Variants in FUT8 observed in about 807,000 individuals in gnomAD.
FUT8 encodes fucosyltransferase 8.
Under a neutral mutation model 71.3 loss-of-function variants are expected in FUT8, and 29 were observed. That is an observed-to-expected ratio of 0.41 (90% CI 0.30 to 0.55). The LOEUF is 0.55. FUT8 is among the 20% of genes least tolerant of loss of function. FUT8 has a pLI of 0.34. For missense variants in FUT8, 544 were observed against 702.1 expected (o/e 0.77, Z 2.55); for synonymous variants, 254 against 239.3 (o/e 1.06, Z -0.57).
chr14:65,481,628 T>C (rs2066332658), intron 2 of FUT8, among the ~76,000 whole-genome samples: 1 of 152,188 alleles, frequency 6.6e-6, no homozygotes, highest in South Asian at 2.1e-4. Context: ...CATCCTTCCT[T>C]GTCTCCAGGA....
chr14:65,490,221 A>G (rs889313967), intron 2 of FUT8, among the ~76,000 whole-genome samples: 1 of 152,040 alleles, frequency 6.6e-6, no homozygotes, highest in African/African-American at 2.4e-5. Context: ...TTTAGTTGTA[A>G]AAGTTTTTGG....
chr14:65,601,493 T>C (rs1288394278), intron 3 of FUT8, among the ~76,000 whole-genome samples: 10 of 152,188 alleles, frequency 6.6e-5, no homozygotes, highest in Non-Finnish European at 1.5e-4. Context: ...ATTATGTTAA[T>C]CTTAGTAGTT....
At chr14:65,716,966 G>A (rs1480632462) in intron 7 of FUT8, among the ~76,000 whole-genome samples, 5 of 143,424 alleles carry the variant, frequency 3.5e-5, no homozygotes, top group African/African-American at 1.3e-4. Flanking sequence ...AGACGGGGCG[G>A]CCGGGCAGAG....
At chr14:65,731,127 A>G (rs1017456401) in intron 9 of FUT8, among the ~76,000 whole-genome samples, 6 of 152,256 alleles carry the variant, frequency 3.9e-5, no homozygotes, top group African/African-American at 1.4e-4. Context: ...GACACAGCAC[A>G]GAGCACTAGG....
rs2140261671 is a variant in FUT8, at chr14:65,629,487, A to G, written c.483-5A>G. 1 of 1,599,820 alleles carries G rather than the reference A, an allele frequency of 6.3e-7. No individual in the cohort carries two copies. The highest frequency in any genetic ancestry group is 1.1e-5 in the South Asian group (1 of 90,642). On this transcript the variant is annotated splice_region_variant and splice_polypyrimidine_tract_variant and intron_variant, in intron 5 of 10. Coordinates refer to ENST00000673929, the MANE Select transcript of FUT8 (RefSeq NM_001371533.1). ...TTCGATCTCCATTGTTGTTTGTTTTAACAGGTCTATAATGACGGATCTATA... is the reference window on the plus strand; with the variant it reads ...TTCGATCTCCATTGTTGTTTGTTTTGACAGGTCTATAATGACGGATCTATA...
In FUT8 at chr14:65,567,931, A is replaced by G. The variant is rs373531504; in HGVS notation, c.203+6165A>G. ...AGGTTATCAAGGTTTATGCAGGCCA[A>G]TTCTGTTCTCTGGAAAAGTTTATGT... On this transcript the variant is annotated intron_variant, in intron 3 of 10. Coordinates refer to ENST00000673929, the MANE Select transcript of FUT8 (RefSeq NM_001371533.1). Among the ~76,000 whole-genome samples, 8 of 152,002 alleles carry G rather than the reference A, an allele frequency of 5.3e-5. No individual in the cohort carries two copies. In the East Asian group the frequency reaches 1.2e-3, roughly 22 times the overall value.
rs1158621921 is a variant in FUT8 at position 65,550,397 on chromosome 14, A to T, written c.-227-10940A>T. Among the ~76,000 whole-genome samples the T allele has an allele frequency of 1.3e-5, 2 of 152,202 alleles. No homozygotes were observed. The highest frequency in any genetic ancestry group is 4.8e-5 in the African/African-American group (2 of 41,462). On this transcript the variant is annotated intron_variant, in intron 2 of 10. Transcript: ENST00000673929. The surrounding 1 kb of genome is among the most constrained non-coding windows in gnomAD (Gnocchi z 4.5). ...GCCCAGAACACTTATATTAGCCTAC[A>T]GTTGGACAAAATCATTTAACACAAA... is the stretch of plus-strand genomic sequence containing the variant.
chr14:65,728,983 T>G (rs1895820488), intron 9 of FUT8, among the ~76,000 whole-genome samples: 2 of 150,978 alleles, frequency 1.3e-5, no homozygotes, highest in Non-Finnish European at 3.0e-5. Flanking sequence ...TTTCACTTAA[T>G]ACAGCAATAG....
chr14:65,662,601 C>T (rs530966301), intron 6 of FUT8, among the ~76,000 whole-genome samples: 124 of 152,212 alleles, frequency 8.1e-4, no homozygotes, highest in Admixed American at 1.9e-3. Flanking sequence ...CACACACATA[C>T]AAAAAACTGG....
chr14:65,417,630 C>G (rs1036711265), intron 1 of FUT8, among the ~76,000 whole-genome samples: 2 of 151,996 alleles, frequency 1.3e-5, no homozygotes, highest in Non-Finnish European at 2.9e-5. Context: ...AAAAAAATAC[C>G]TCTTTGTGGT....
intron 7 of FUT8, among the ~76,000 whole-genome samples, chr14:65,714,914 T>G (rs1226808787): frequency 6.6e-6 from 1 of 152,220 alleles, no homozygotes. Context: ...AATGCACTGA[T>G]TTTTGTATGT....
intron 2 of FUT8, among the ~76,000 whole-genome samples, chr14:65,545,116 C>A (rs1278353452): frequency 6.6e-6 from 1 of 151,808 alleles, no homozygotes; most frequent in Non-Finnish European, 1.5e-5. Flanking sequence ...ATTAAAGGAC[C>A]CTTTTAATTT....
rs984109725 is a variant in FUT8 at position 65,574,683 on chromosome 14, G to A, written c.203+12917G>A. ...TTTTAAAATGTTCTAGAATTGAGGT[G>A]GGTAGCATTTTTACAGCAATAAGAA... On this transcript the variant is annotated intron_variant, in intron 3 of 10. Transcript: ENST00000673929. This position sits in a 1 kb window ranked among gnomAD's most constrained non-coding sequence, Gnocchi z 5.2. Among the ~76,000 whole-genome samples the A allele has an allele frequency of 6.6e-6, 1 of 152,098 alleles. No individual in the cohort carries two copies. Among genetic ancestry groups the A allele is most frequent in the African/African-American group, 2.4e-5 (1 of 41,402 alleles).
At chr14:65,549,753 G>T (rs1885181764) in intron 2 of FUT8, among the ~76,000 whole-genome samples, 1 of 152,188 alleles carries the variant, frequency 6.6e-6, no homozygotes, top group South Asian at 2.1e-4. Context: ...CTGTGGTGAA[G>T]CTGTAAAACA....
intron 2 of FUT8, among the ~76,000 whole-genome samples, chr14:65,545,064 A>C (rs777648782): frequency 4.3e-4 from 65 of 149,690 alleles, no homozygotes; most frequent in African/African-American, 2.5e-5. Context: ...AGTTGGTTTT[A>C]CCAAATGCTT....
At chr14:65,513,745 G>A (rs541803911) in intron 2 of FUT8, among the ~76,000 whole-genome samples, 17 of 152,316 alleles carry the variant, frequency 1.1e-4, no homozygotes, top group Non-Finnish European at 7.4e-5. Context: ...TATTTTCAGA[G>A]TAACAATCTG....
intron 2 of FUT8, among the ~76,000 whole-genome samples, chr14:65,471,786 G>A (rs985088243): frequency 2.0e-5 from 3 of 151,836 alleles, no homozygotes; most frequent in Admixed American, 2.0e-4. Context: ...GTGAGGTTGG[G>A]AGTGATGAAT....
intron 3 of FUT8, among the ~76,000 whole-genome samples, chr14:65,592,182 G>A (rs1217654685): frequency 6.6e-6 from 1 of 152,020 alleles, no homozygotes; most frequent in East Asian, 1.9e-4. Flanking sequence ...ATATATGAGA[G>A]CTTTCACTTT....
chr14:65,692,172 G>C (rs1392873177), intron 7 of FUT8, among the ~76,000 whole-genome samples: 32 of 151,922 alleles, frequency 2.1e-4, no homozygotes, highest in East Asian at 3.9e-4. Context: ...TTCCCAGTAG[G>C]GGTGGCCGGG....
Sources: allele counts gnomAD v4.1 joint callset (sites outside exome capture counted in the v4.1 genomes callset), GRCh38; gene constraint gnomAD v4.1.1; non-coding constraint Gnocchi (gnomAD v3.1); transcripts MANE v1.5; gene names NCBI Gene and HGNC (gene_info 2026-07-23, HGNC 2026-07-21).